Variants in RPGRIP1L observed in about 807,000 individuals in gnomAD.
RPGRIP1L encodes protein fantom.
In RPGRIP1L, 131 loss-of-function variants were observed where a neutral mutation model predicts 160.4. The ratio of observed to expected loss-of-function variants is 0.82; its 90% CI spans 0.71 to 0.94. The LOEUF (loss-of-function observed/expected upper bound fraction) is 0.94. RPGRIP1L is among the 40% of genes least tolerant of loss of function. RPGRIP1L has a pLI of 0.00. For synonymous variants in RPGRIP1L, 510 were observed against 515.8 expected (o/e 0.99, Z 0.15); for missense variants, 1,522 against 1,535.8 (o/e 0.99, Z 0.15).
In RPGRIP1L at chr16:53,619,081, GGT is replaced by G. The variant is rs1200131247; in HGVS notation, c.3558_3559del (p.Pro1187ArgfsTer15). Reference sequence around the variant, plus strand: ...ACTCTTGGGTTTTGGAAGTGACACGGGTGTCTCTTCAGCAGGAAGACTGTAGA... The same window carrying G: ...ACTCTTGGGTTTTGGAAGTGACACGGGTCTCTTCAGCAGGAAGACTGTAGA... On this transcript the variant is annotated frameshift_variant, in exon 24 of 27. Coordinates refer to ENST00000647211, the MANE Select transcript of RPGRIP1L (RefSeq NM_015272.5). LOFTEE classifies it high-confidence loss of function. 2 of 1,613,880 alleles carry G rather than the reference GGT, an allele frequency of 1.2e-6. No individual in the cohort carries two copies. Among genetic ancestry groups the G allele is most frequent in the East Asian group, 4.5e-5 (2 of 44,868 alleles).
chr16:53,666,604 A>ATG (rs1361034833), intron 9 of RPGRIP1L, among the ~76,000 whole-genome samples: 1 of 145,494 alleles, frequency 6.9e-6, no homozygotes, highest in East Asian at 2.0e-4. Flanking sequence ...ATATATATAT[A>ATG]TATGTATGTA....
chr16:53,694,765 G>C (rs1000174022), intron 3 of RPGRIP1L: 1 of 152,254 alleles, frequency 6.6e-6, no homozygotes, highest in Non-Finnish European at 1.5e-5. Flanking sequence ...GCCCGCCTCA[G>C]CCTCCCAAAG....
chr16:53,700,533 T>A, intron 2 of RPGRIP1L, 106 bp downstream of exon 2: 1 of 862,338 alleles, frequency 1.2e-6, no homozygotes. Context: ...TCAAGGACTA[T>A]ATAGTTACTT....
At chr16:53,627,281 TAC>T (rs1231919983) in intron 22 of RPGRIP1L, among the ~76,000 whole-genome samples, 1 of 152,240 alleles carries the variant, frequency 6.6e-6, no homozygotes. Flanking sequence ...TTCAGTCAGT[TAC>T]ATTTAAATCT....
Position 53,652,757 on chromosome 16 carries a change from T to C in RPGRIP1L, c.1930A>G (p.Thr644Ala), listed in dbSNP as rs1286293983. The change falls in exon 15 of 27, where the codon ACA (threonine) becomes GCA (alanine). Residue 644 changes from threonine to alanine, a missense_variant. Transcript: ENST00000647211. The part of the protein sequence containing the change: ...TYAFYDFELQ[T>A]TPVVRGLHPE... ...TGAAGGCCTCGCACTACGGGAGTTG[T>C]CTGTAGTTCAAAATCATAGAAAGCA... is the stretch of plus-strand genomic sequence containing the variant. 2 of 1,613,858 alleles carry C rather than the reference T, an allele frequency of 1.2e-6. No homozygotes were observed. The highest frequency in any genetic ancestry group is 1.7e-6 in the Non-Finnish European group (2 of 1,179,848).
chr16:53,672,926 A>C lies in RPGRIP1L; in HGVS notation c.973T>G (p.Cys325Gly). Residue 325 changes from cysteine (C) to glycine (G), a missense_variant, in exon 8 of 27, where the codon TGC becomes GGC. Physicochemically the swap from Cys to Gly is radical, Grantham distance 159. Transcript: ENST00000647211. ...MQLKEQRLKC[C>G]SLEKQLHSMK... ...GAATGTAATTGTTTCTCAAGACTGC[A>C]GCATTTTAAACGCTGCTCTTTAAGT... 6.2e-7 allele frequency: 1 copy of C among 1,613,130 alleles called. No homozygotes were observed. The highest frequency in any genetic ancestry group is 8.5e-7 in the Non-Finnish European group (1 of 1,179,408).
In RPGRIP1L at chr16:53,601,972, T is replaced by C. The variant is rs1438876295; in HGVS notation, c.*104A>G. 2.7e-6 allele frequency: 2 copies of C among 743,960 alleles called. No individual in the cohort carries two copies. Among genetic ancestry groups the C allele is most frequent in the Middle Eastern group, 2.8e-4 (1 of 3,590 alleles). 46.1% of individuals were successfully genotyped at this position (743,960 alleles called of 1,614,324 possible). Reference sequence around the variant, plus strand: ...AGGTCTCCCCGCTCCCAGCTTCCCATGAATTATAGATTATATACACCAGAG... The same window carrying C: ...AGGTCTCCCCGCTCCCAGCTTCCCACGAATTATAGATTATATACACCAGAG... On this transcript the variant is annotated 3_prime_UTR_variant, in exon 27 of 27. Coordinates refer to ENST00000647211, the MANE Select transcript of RPGRIP1L (RefSeq NM_015272.5).
At chr16:53,682,564 T>C (rs146410627) in intron 6 of RPGRIP1L, among the ~76,000 whole-genome samples, 360 of 151,148 alleles carry the variant, frequency 2.4e-3, no homozygotes, top group Non-Finnish European at 4.2e-3. Context: ...GTGTCCACCT[T>C]ACACTAAACT....
rs761579460 is a variant in RPGRIP1L, at chr16:53,671,503, G to A, written c.1103+7C>T. The A allele has an allele frequency of 1.4e-5, 21 of 1,551,854 alleles. 1 individual carries two copies. The highest frequency in any genetic ancestry group is 1.2e-4 in the South Asian group (11 of 89,544). ...ACAATGAAAGAACACATGGAATCAC[G>A]ATTTACCTGTCATAAAGTTTATCAT... On this transcript the variant is annotated splice_region_variant and intron_variant, in intron 9 of 26. Coordinates refer to ENST00000647211, the MANE Select transcript of RPGRIP1L (RefSeq NM_015272.5).
intron 23 of RPGRIP1L, among the ~76,000 whole-genome samples, chr16:53,621,671 G>C (rs1964720960): frequency 6.6e-6 from 1 of 152,086 alleles, no homozygotes. Flanking sequence ...AATGATGCTA[G>C]ACAATTTATT....
intron 15 of RPGRIP1L, among the ~76,000 whole-genome samples, chr16:53,651,197 C>T (rs899841108): frequency 6.6e-6 from 1 of 152,166 alleles, no homozygotes; most frequent in Non-Finnish European, 1.5e-5. Context: ...CTGCTCATGC[C>T]AGAAATTCTT....
At chr16:53,686,405 T>C (rs1970014695) in intron 6 of RPGRIP1L, 28 bp downstream of exon 6, 2 of 1,608,676 alleles carry the variant, frequency 1.2e-6, no homozygotes, top group African/African-American at 2.7e-5. Context: ...TTTGACCTTA[T>C]CAAAGTGATA....
In RPGRIP1L at chr16:53,619,227, C is replaced by T. The variant is rs1190935058; in HGVS notation, c.3433-19G>A. On this transcript the variant is annotated intron_variant, in intron 23 of 26. Transcript: ENST00000647211. ...CTGATGGCTGTTTAAAGAGCAAAAA[C>T]AAAAAACAACAAAGAAATAAAATAA... The T allele has an allele frequency of 6.3e-7, 1 of 1,598,492 alleles. No homozygotes were observed. The highest frequency in any genetic ancestry group is 1.7e-5 in the Admixed American group (1 of 59,894).
At chr16:53,635,031 C>T (rs1037290180) in intron 22 of RPGRIP1L, among the ~76,000 whole-genome samples, 1 of 151,786 alleles carries the variant, frequency 6.6e-6, no homozygotes, top group African/African-American at 2.4e-5. Flanking sequence ...TAGTGAAGAC[C>T]GTATCAGGCT....
At chr16:53,615,763 C>T (rs774831115) in intron 24 of RPGRIP1L, among the ~76,000 whole-genome samples, 10 of 151,528 alleles carry the variant, frequency 6.6e-5, no homozygotes, top group South Asian at 2.1e-4. Context: ...TATGCCAGGA[C>T]GACTTTTGTA....
At chr16:53,633,451 A>G (rs1965645860) in intron 22 of RPGRIP1L, among the ~76,000 whole-genome samples, 1 of 152,196 alleles carries the variant, frequency 6.6e-6, no homozygotes, top group East Asian at 1.9e-4. Flanking sequence ...ATAAAACACT[A>G]CAAGAAAGCC....
At chr16:53,608,078 T>C in intron 25 of RPGRIP1L, 1 of 405,640 alleles carries the variant, frequency 2.5e-6, no homozygotes, top group Non-Finnish European at 3.3e-6. Flanking sequence ...CTGCCTCCTC[T>C]TCCCACCTCT....
chr16:53,683,743 GA>G (rs34081938), intron 6 of RPGRIP1L, among the ~76,000 whole-genome samples: 7,681 of 148,178 alleles, frequency 0.052, 393 homozygotes, highest in East Asian at 0.31. Context: ...ATTCAAGAAA[GA>G]ATATTTAAAA....
At chr16:53,642,772 T>C (rs985654368) in intron 17 of RPGRIP1L, among the ~76,000 whole-genome samples, 1 of 152,196 alleles carries the variant, frequency 6.6e-6, no homozygotes, top group African/African-American at 2.4e-5. Context: ...CAGTCTAGGA[T>C]AGGCTAAGAG....
Sources: allele counts gnomAD v4.1 joint callset (sites outside exome capture counted in the v4.1 genomes callset), GRCh38; gene constraint gnomAD v4.1.1; transcripts MANE v1.5; gene names NCBI Gene and HGNC (gene_info 2026-07-23, HGNC 2026-07-21).